GMEB1: variants seen among roughly 807,000 people sequenced by gnomAD.
The protein encoded by GMEB1 is glucocorticoid modulatory element-binding protein 1.
A neutral mutation model predicts 52.4 loss-of-function variants in GMEB1; 6 were observed. That is an observed-to-expected ratio of 0.11 (90% CI 0.06 to 0.23). The LOEUF (loss-of-function observed/expected upper bound fraction) is 0.23, where lower values mean the gene tolerates loss of function less well. Among genes scored for constraint, GMEB1 ranks in the 10% least tolerant of loss-of-function variants. The pLI is 1.00. For missense variants in GMEB1, 486 were observed against 685.6 expected (o/e 0.71, Z 3.25); for synonymous variants, 255 against 244.9 (o/e 1.04, Z -0.38).
At chr1:28,698,193 ACC>A (rs1278621353) in intron 6 of GMEB1, among the ~76,000 whole-genome samples, 1 of 150,412 alleles carries the variant, frequency 6.6e-6, no homozygotes, top group African/African-American at 2.5e-5. Flanking sequence ...ACATGGTGAA[ACC>A]CTGTCTCTAC....
chr1:28,681,323 G>A (rs1485306300), intron 1 of GMEB1, among the ~76,000 whole-genome samples: 4 of 152,032 alleles, frequency 2.6e-5, no homozygotes, highest in African/African-American at 7.2e-5. Context: ...AGCCAAGATC[G>A]TGCCACAGAA....
intron 3 of GMEB1, 22 bp downstream of exon 3, chr1:28,690,208 T>TG (rs1669893666): frequency 6.8e-6 from 7 of 1,027,966 alleles, no homozygotes; most frequent in African/African-American, 1.7e-5. Context: ...TTTGTGTTTT[T>TG]TTTTTTTTTT....
Position 28,718,661 on chromosome 1 carries a change from A to C in GMEB1, c.*3888A>C, listed in dbSNP as rs1671330666. On this transcript the variant is annotated 3_prime_UTR_variant, in exon 10 of 10. Transcript: ENST00000373816. Reference sequence around the variant, plus strand: ...TTTTTTTTGTAATTTTATGTATTTTATGCATTGAAAAACATTATTTAAGAA... The same window carrying C: ...TTTTTTTTGTAATTTTATGTATTTTCTGCATTGAAAAACATTATTTAAGAA... 1 of 152,130 alleles carries C rather than the reference A, an allele frequency of 6.6e-6. No homozygotes were observed. Among genetic ancestry groups the C allele is most frequent in the South Asian group, 2.1e-4 (1 of 4,830 alleles). 9.4% of individuals were successfully genotyped at this position (152,130 alleles called of 1,614,324 possible).
chr1:28,686,733 G>A (rs953915981), intron 2 of GMEB1, among the ~76,000 whole-genome samples: 1 of 150,662 alleles, frequency 6.6e-6, no homozygotes, highest in Non-Finnish European at 1.5e-5. Flanking sequence ...AGTCTTATTT[G>A]AAGCAGTGGT....
intron 1 of GMEB1, among the ~76,000 whole-genome samples, chr1:28,672,128 TA>T (rs1304133227): frequency 6.6e-6 from 1 of 151,236 alleles, no homozygotes; most frequent in Non-Finnish European, 1.5e-5. Flanking sequence ...AAAAATTAAA[TA>T]AATATTTTGG....
At position 28,673,726 on chromosome 1, in the gene GMEB1, A is replaced by G. The variant is rs117202285; in HGVS notation, c.-31+4887A>G. Reference sequence around the variant, plus strand: ...AGTGTTGTTTTTGTCTTTGGAAATAACTACAGGCTGGGCACAGTCGCTCAG... The same window carrying G: ...AGTGTTGTTTTTGTCTTTGGAAATAGCTACAGGCTGGGCACAGTCGCTCAG... On this transcript the variant is annotated intron_variant, in intron 1 of 9. Coordinates refer to ENST00000373816, the MANE Select transcript of GMEB1 (RefSeq NM_001319674.2). Among the ~76,000 whole-genome samples, 186 of 152,258 alleles carry G rather than the reference A, an allele frequency of 1.2e-3. 4 individuals carry two copies. In the East Asian group the frequency reaches 0.035, roughly 29 times the overall value.
In GMEB1 at chr1:28,718,536, G is replaced by A. The variant is rs562023576; in HGVS notation, c.*3763G>A. ...ATTTTGCTTGGGCCTAGGAGTTCAAGGCTGTAGTGAGCTATGACTTTGCCA... is the reference window on the plus strand; with the variant it reads ...ATTTTGCTTGGGCCTAGGAGTTCAAAGCTGTAGTGAGCTATGACTTTGCCA... On this transcript the variant is annotated 3_prime_UTR_variant, in exon 10 of 10. Coordinates refer to ENST00000373816, the MANE Select transcript of GMEB1 (RefSeq NM_001319674.2). The A allele has an allele frequency of 3.2e-4, 49 of 152,348 alleles. 1 individual carries two copies. The highest frequency in any genetic ancestry group is 3.2e-3 in the Admixed American group (49 of 15,294). 9.4% of individuals were successfully genotyped at this position (152,348 alleles called of 1,614,324 possible).
At chr1:28,674,622 C>G (rs985137991) in intron 1 of GMEB1, among the ~76,000 whole-genome samples, 4 of 151,676 alleles carry the variant, frequency 2.6e-5, no homozygotes, top group African/African-American at 9.7e-5. Flanking sequence ...TCTTAACTCC[C>G]GACCTCAGGT....
At chr1:28,675,810 G>A (rs958237655) in intron 1 of GMEB1, among the ~76,000 whole-genome samples, 2 of 152,146 alleles carry the variant, frequency 1.3e-5, no homozygotes, top group Admixed American at 1.3e-4. Flanking sequence ...TCTTGCCTCA[G>A]GAGTTTTTGT....
In GMEB1 at chr1:28,691,726, T is replaced by C; in HGVS notation, c.336+17T>C. ...TGTGTCAAGGTAATTGTCTTTTCCA[T>C]GCTGAAGCCAAATTTGGGACTCCTT... On this transcript the variant is annotated intron_variant, in intron 4 of 9. Coordinates refer to ENST00000373816, the MANE Select transcript of GMEB1 (RefSeq NM_001319674.2). 1 of 1,441,982 alleles carries C rather than the reference T, an allele frequency of 6.9e-7. No individual in the cohort carries two copies. Among genetic ancestry groups the C allele is most frequent in the South Asian group, 1.6e-5 (1 of 62,466 alleles). The allele number at this position is 1,441,982 out of a possible 1,614,324, so 89.3% of individuals were successfully genotyped here.
intron 1 of GMEB1, among the ~76,000 whole-genome samples, chr1:28,675,602 C>A (rs1570379224): frequency 6.6e-6 from 1 of 151,174 alleles, no homozygotes; most frequent in South Asian, 2.1e-4. Context: ...ATCGCTTGAA[C>A]CCAGGAGGCA....
intron 6 of GMEB1, among the ~76,000 whole-genome samples, chr1:28,698,570 G>T (rs1670340997): frequency 6.6e-6 from 1 of 151,626 alleles, no homozygotes; most frequent in Admixed American, 6.6e-5. Flanking sequence ...AGCTACTCGG[G>T]AGGCTGAAGC....
At chr1:28,683,969 C>T (rs192298437) in intron 2 of GMEB1, among the ~76,000 whole-genome samples, 2 of 152,030 alleles carry the variant, frequency 1.3e-5, no homozygotes, top group African/African-American at 4.8e-5. Flanking sequence ...ACCTTGAGCT[C>T]CTTGAGGGTA....
At chr1:28,697,450 C>T (rs900369098) in intron 6 of GMEB1, among the ~76,000 whole-genome samples, 9 of 151,916 alleles carry the variant, frequency 5.9e-5, no homozygotes, top group Non-Finnish European at 1.3e-4. Flanking sequence ...TCAGGTGATC[C>T]GCCCACCTCG....
At chr1:28,683,452 C>T (rs747079139) in intron 1 of GMEB1, 131 bp from the exon 2 acceptor site, 32 of 656,138 alleles carry the variant, frequency 4.9e-5, no homozygotes, top group Non-Finnish European at 7.7e-5. Flanking sequence ...CTTGAACTCC[C>T]AACCTCAGGC....
Position 28,718,408 on chromosome 1 carries a change from G to T in GMEB1, c.*3635G>T, listed in dbSNP as rs1232936458. On this transcript the variant is annotated 3_prime_UTR_variant, in exon 10 of 10. Coordinates refer to ENST00000373816, the MANE Select transcript of GMEB1 (RefSeq NM_001319674.2). ...AGGCCAAGAGTTTAAGACTAGCCTG[G>T]TCAACATAGCCAGACCCCATCTCTA... 5 of 152,140 alleles carry T rather than the reference G, an allele frequency of 3.3e-5. No homozygotes were observed. Among genetic ancestry groups the T allele is most frequent in the Non-Finnish European group, 7.3e-5 (5 of 68,036 alleles). 9.4% of individuals were successfully genotyped at this position (152,140 alleles called of 1,614,324 possible). A position where few individuals can be genotyped will look rare whatever the true frequency, so the allele number is the denominator to read the frequency against.
At position 28,691,474 on chromosome 1, in the gene GMEB1, C is replaced by A; in HGVS notation, c.212-111C>A. The A allele has an allele frequency of 4.8e-6, 3 of 623,016 alleles. No homozygotes were observed. The East Asian group carries it at 1.0e-4, about 21-fold the overall frequency. The allele number at this position is 623,016 out of a possible 1,614,324, so 38.6% of individuals were successfully genotyped here. On this transcript the variant is annotated intron_variant, in intron 3 of 9. Transcript: ENST00000373816. ...CTTCCAGAGGATTCCTAAATGATACCAGCAAGAGTGAAGTATTAGTCCCTT... is the reference window on the plus strand; with the variant it reads ...CTTCCAGAGGATTCCTAAATGATACAAGCAAGAGTGAAGTATTAGTCCCTT...
chr1:28,670,177 G>GT (rs1246340395), intron 1 of GMEB1, among the ~76,000 whole-genome samples: 6 of 80,288 alleles, frequency 7.5e-5, no homozygotes, highest in African/African-American at 1.9e-4. Flanking sequence ...TTATTTATTT[G>GT]TTTTTTGAGA....
rs1161076315 is a variant in GMEB1 at position 28,687,334 on chromosome 1, T to TCA, written c.129-2717_129-2716dup. Among the ~76,000 whole-genome samples, 60 of 54,112 alleles carry TCA rather than the reference T, an allele frequency of 1.1e-3. 2 individuals carry two copies. Among genetic ancestry groups the TCA allele is most frequent in the African/African-American group, 3.0e-3 (42 of 13,972 alleles). The allele number at this position is 54,112 out of a possible 152,430, so 35.5% of individuals were successfully genotyped here. On this transcript the variant is annotated intron_variant, in intron 2 of 9. Transcript: ENST00000373816. ...CTGGGCAACAGAATGAGACCCTATC[T>TCA]CACACACACACACACACACACACAC...
Sources: gnomAD v4.1 joint callset for allele counts (sites outside exome capture counted in the v4.1 genomes callset) on GRCh38, gnomAD v4.1.1 for gene constraint, MANE v1.5 for transcripts, NCBI Gene and HGNC (gene_info 2026-07-23, HGNC 2026-07-21) for gene names.